Variants in EZR observed in about 807,000 individuals in gnomAD.
EZR encodes cytovillin 2.
EZR carries 40 observed loss-of-function variants against 74.8 expected under a neutral mutation model. The observed-to-expected ratio is 0.53, with a 90% CI of 0.42 to 0.70. EZR has a LOEUF of 0.70. Ranked by LOEUF, EZR falls within the 30% of genes least tolerant of loss-of-function variation. EZR has a pLI of 0.00. For missense variants in EZR, 678 were observed against 755.8 expected (o/e 0.90, Z 1.21); for synonymous variants, 341 against 283.3 (o/e 1.20, Z -2.05).
chr6:158,781,609 T>C (rs1379685141), intron 7 of EZR, among the ~76,000 whole-genome samples: 1 of 152,166 alleles, frequency 6.6e-6, no homozygotes, highest in Non-Finnish European at 1.5e-5. Flanking sequence ...ATCTGGTCAT[T>C]GAAGAGATTT....
Position 158,767,367 on chromosome 6 carries a change from G to C in EZR, c.1490C>G (p.Thr497Arg). 6.2e-7 allele frequency: 1 copy of C among 1,614,030 alleles called. No homozygotes were observed. The highest frequency in any genetic ancestry group is 8.5e-7 in the Non-Finnish European group (1 of 1,180,004). ...ESLQDEGAEP[T>R]GYSAELSSEG... ...ACTAGACAGCTCCGCGCTGTAGCCCGTGGGCTCTGCGCCCTCATCCTGCAA... is the reference window on the plus strand; with the variant it reads ...ACTAGACAGCTCCGCGCTGTAGCCCCTGGGCTCTGCGCCCTCATCCTGCAA... Residue 497 changes from threonine (T) to arginine (R), a missense_variant, in exon 13 of 14, where the codon ACG (threonine) becomes AGG (arginine). Physicochemically the swap from Thr to Arg is moderately conservative, Grantham distance 71. Around this residue, in one of 3 missense-constraint regions of EZR, gnomAD observed 342 missense variants for 341.2 expected, o/e 1.00. Transcript: ENST00000367075.
chr6:158,818,888 G>A (rs1449494492), intron 1 of EZR, among the ~76,000 whole-genome samples: 7 of 152,192 alleles, frequency 4.6e-5, no homozygotes, highest in Non-Finnish European at 8.8e-5. Flanking sequence ...GTGGAGAGGG[G>A]GCGCGGGCTC....
chr6:158,777,123 G>A (rs1216849509), intron 7 of EZR, among the ~76,000 whole-genome samples: 4 of 152,202 alleles, frequency 2.6e-5, no homozygotes. Context: ...ACTGTTGAAT[G>A]TTATTTAAGT....
chr6:158,811,577 T>TCA (rs1243903636), intron 2 of EZR, among the ~76,000 whole-genome samples: 1 of 152,236 alleles, frequency 6.6e-6, no homozygotes. Flanking sequence ...AATCACATTA[T>TCA]CAGCCAGGCA....
intron 7 of EZR, among the ~76,000 whole-genome samples, chr6:158,782,834 G>A (rs1001585701): frequency 6.6e-6 from 1 of 152,132 alleles, no homozygotes; most frequent in African/African-American, 2.4e-5. Flanking sequence ...TGCTGATGTC[G>A]CAGACTCACC....
Position 158,818,173 on chromosome 6 carries a change from T to C in EZR, c.-73-7A>G. 1 of 1,553,956 alleles carries C rather than the reference T, an allele frequency of 6.4e-7. No homozygotes were observed. On this transcript the variant is annotated splice_region_variant and splice_polypyrimidine_tract_variant and intron_variant, in intron 1 of 13. Coordinates refer to ENST00000367075, the MANE Select transcript of EZR (RefSeq NM_001111077.2). ...GCGAAGACGCTGTCCCAACCTGGAG[T>C]CAGAGCAGAACCCTTAGAGCGCCCG...
chr6:158,783,392 A>C, intron 7 of EZR, 128 bp downstream of exon 7: 1 of 675,730 alleles, frequency 1.5e-6, no homozygotes, highest in Non-Finnish European at 2.4e-6. Flanking sequence ...CCCTTTAAAA[A>C]GTTTCCTACT....
chr6:158,780,512 A>G (rs1160278246), intron 7 of EZR, among the ~76,000 whole-genome samples: 2 of 152,130 alleles, frequency 1.3e-5, no homozygotes, highest in Non-Finnish European at 2.9e-5. Flanking sequence ...AGCCCTGAGT[A>G]CCTATCCGCA....
chr6:158,799,810 A>AT (rs1777153490), intron 2 of EZR, among the ~76,000 whole-genome samples: 1 of 152,252 alleles, frequency 6.6e-6, no homozygotes, highest in Non-Finnish European at 1.5e-5. Flanking sequence ...AGGTTTTTTT[A>AT]AAGCTCTTCT....
At chr6:158,781,152 C>T (rs3123109) in intron 7 of EZR, among the ~76,000 whole-genome samples, 79,129 of 151,982 alleles carry the variant, frequency 0.52, 21,597 homozygotes, top group Non-Finnish European at 0.61. Flanking sequence ...CAACAGCTGG[C>T]GAGTTCTCAG....
At chr6:158,789,415 TTTC>T in intron 2 of EZR, 44 bp from the exon 3 acceptor site, 1 of 1,541,526 alleles carries the variant, frequency 6.5e-7, no homozygotes, top group Non-Finnish European at 9.0e-7. Flanking sequence ...TGAGTATTCT[TTTC>T]TTCTAATAAC....
intron 2 of EZR, among the ~76,000 whole-genome samples, chr6:158,793,304 G>A (rs1791790677): frequency 6.6e-6 from 1 of 151,990 alleles, no homozygotes; most frequent in Admixed American, 6.6e-5. Context: ...ACTAGGACCA[G>A]CAATAGGAAT....
At position 158,766,750 on chromosome 6, in the gene EZR, C is replaced by T. The variant is rs41267141; in HGVS notation, c.*164G>A. 6.9e-3 allele frequency: 4,907 copies of T among 710,156 alleles called. 23 individuals are homozygous for T. The highest frequency in any genetic ancestry group is 0.01 in the Non-Finnish European group (4,223 of 416,094). 44.0% of individuals were successfully genotyped at this position (710,156 alleles called of 1,614,324 possible). On this transcript the variant is annotated 3_prime_UTR_variant, in exon 14 of 14. Coordinates refer to ENST00000367075, the MANE Select transcript of EZR (RefSeq NM_001111077.2). Reference sequence around the variant, plus strand: ...TACAACTGGGGAAAACAAACCAGGGCGCCTCCCTGGTTCCCAGCCCAGAAT... The same window carrying T: ...TACAACTGGGGAAAACAAACCAGGGTGCCTCCCTGGTTCCCAGCCCAGAAT...
rs1331564415 is a variant in EZR, at chr6:158,786,207, AC to A, written c.193-625del. On this transcript the variant is annotated intron_variant, in intron 4 of 13. Transcript: ENST00000367075. Reference sequence around the variant, plus strand: ...ACCAACATGGTGAAACCCCATCTCTACTAAAAATACAAAAAAATTAGCCGGG... The same window carrying A: ...ACCAACATGGTGAAACCCCATCTCTATAAAAATACAAAAAAATTAGCCGGG... Among the ~76,000 whole-genome samples, 4 of 152,264 alleles carry A rather than the reference AC, an allele frequency of 2.6e-5. No homozygotes were observed. In the South Asian group the frequency reaches 8.3e-4, roughly 32 times the overall value.
At chr6:158,773,248 C>T (rs566153800) in intron 8 of EZR, among the ~76,000 whole-genome samples, 9 of 152,262 alleles carry the variant, frequency 5.9e-5, no homozygotes, top group Admixed American at 2.0e-4. Context: ...CAATGTCTCC[C>T]TCTCTCCCTT....
At chr6:158,787,055 T>C (rs1465158739) in intron 4 of EZR, 53 bp downstream of exon 4, 2 of 1,416,446 alleles carry the variant, frequency 1.4e-6, no homozygotes, top group Admixed American at 1.8e-5. Context: ...TCCTTATCGA[T>C]GAAGCAGACC....
At chr6:158,770,375 T>C (rs778248773) in intron 10 of EZR, among the ~76,000 whole-genome samples, 1 of 152,064 alleles carries the variant, frequency 6.6e-6, no homozygotes, top group Non-Finnish European at 1.5e-5. Context: ...TGCTGGGAAG[T>C]CTGGCTCTGA....
intron 3 of EZR, among the ~76,000 whole-genome samples, chr6:158,787,729 A>G (rs1791621549): frequency 6.6e-6 from 1 of 152,244 alleles, no homozygotes; most frequent in Admixed American, 6.5e-5. Flanking sequence ...AAATCCTAGG[A>G]AAGGCAGGAA....
At chr6:158,783,203 G>A (rs2128569573) in intron 7 of EZR, among the ~76,000 whole-genome samples, 1 of 150,094 alleles carries the variant, frequency 6.7e-6, no homozygotes, top group South Asian at 2.1e-4. Context: ...ATGGATGGAT[G>A]TGCTGGTACC....
Sources: allele counts gnomAD v4.1 joint callset (sites outside exome capture counted in the v4.1 genomes callset), GRCh38; gene constraint gnomAD v4.1.1; regional missense constraint gnomAD v4.1.1; transcripts MANE v1.5; gene names NCBI Gene and HGNC (gene_info 2026-07-23, HGNC 2026-07-21).